The following RALY variants were observed in gnomAD, a reference collection of about 807,000 sequenced individuals.
RALY encodes the protein RALY heterogeneous nuclear ribonucleoprotein, also known as RNA-binding protein Raly.
Under a neutral mutation model 30.7 loss-of-function variants are expected in RALY, and 15 were observed. The observed-to-expected ratio is 0.49, with a 90% CI of 0.33 to 0.75. RALY has a LOEUF of 0.75. Ranked by LOEUF, RALY falls within the 30% of genes least tolerant of loss-of-function variation. The pLI is 0.02. For synonymous variants in RALY, 177 were observed against 170.8 expected (o/e 1.04, Z -0.28); for missense variants, 339 against 414.3 (o/e 0.82, Z 1.58).
At chr20:34,036,298 G>A (rs561535357) in intron 2 of RALY, among the ~76,000 whole-genome samples, 6 of 152,276 alleles carry the variant, frequency 3.9e-5, no homozygotes, top group African/African-American at 1.4e-4. Context: ...TTTATTCCTA[G>A]TTTATTGAGA....
At chr20:34,076,160 C>G in intron 6 of RALY, 120 bp downstream of exon 6, 3 of 1,213,194 alleles carry the variant, frequency 2.5e-6, no homozygotes, top group Admixed American at 2.6e-5. Flanking sequence ...TTCTGCTGCT[C>G]TAACACAGCC....
Position 34,077,248 on chromosome 20 carries a change from G to A in RALY, c.876+3G>A. On this transcript the variant is annotated splice_donor_region_variant and intron_variant, in intron 8 of 9. Transcript: ENST00000246194. Reference sequence around the variant, plus strand: ...TGACACACAGCGAGGAAGAGCTGGTGAGGGCCTGGCCAGGGGCACGACTGG... The same window carrying A: ...TGACACACAGCGAGGAAGAGCTGGTAAGGGCCTGGCCAGGGGCACGACTGG... The A allele has an allele frequency of 5.6e-6, 9 of 1,613,712 alleles. No homozygotes were observed. The highest frequency in any genetic ancestry group is 7.6e-6 in the Non-Finnish European group (9 of 1,179,810).
chr20:34,059,555 C>T (rs1376395513), intron 2 of RALY, among the ~76,000 whole-genome samples: 1 of 152,172 alleles, frequency 6.6e-6, no homozygotes, highest in Non-Finnish European at 1.5e-5. Context: ...GAACTGTGAA[C>T]CTCAGAAAAG....
chr20:34,045,050 C>T (rs772681400), intron 2 of RALY, among the ~76,000 whole-genome samples: 4 of 152,204 alleles, frequency 2.6e-5, no homozygotes, highest in Middle Eastern at 3.4e-3. Flanking sequence ...GCTGGGACTA[C>T]AGGCATGCAC....
intron 2 of RALY, among the ~76,000 whole-genome samples, chr20:34,036,708 T>A (rs1001707348): frequency 2.0e-5 from 3 of 152,224 alleles, no homozygotes; most frequent in Non-Finnish European, 4.4e-5. Flanking sequence ...TCAAATGTCT[T>A]ACTTGTTAAA....
At chr20:34,022,384 T>C (rs2123058922) in intron 1 of RALY, among the ~76,000 whole-genome samples, 1 of 152,254 alleles carries the variant, frequency 6.6e-6, no homozygotes. Context: ...TTTTGATCAC[T>C]CAAAGCAGCT....
intron 1 of RALY, among the ~76,000 whole-genome samples, chr20:34,027,184 A>C (rs143581692): frequency 2.0e-5 from 3 of 152,214 alleles, no homozygotes; most frequent in African/African-American, 7.2e-5. Flanking sequence ...GTCTTCTTTC[A>C]TGTTGCTGTG....
At chr20:34,050,450 G>A (rs760379269) in intron 2 of RALY, among the ~76,000 whole-genome samples, 8 of 152,216 alleles carry the variant, frequency 5.3e-5, no homozygotes, top group Non-Finnish European at 1.2e-4. Context: ...ATCCAAAAAT[G>A]CTTTGCTGTT....
At chr20:34,018,356 C>G (rs2031685797) in intron 1 of RALY, among the ~76,000 whole-genome samples, 1 of 152,168 alleles carries the variant, frequency 6.6e-6, no homozygotes, top group Non-Finnish European at 1.5e-5. Context: ...TGGGCCAGAC[C>G]TGCAGAGGTG....
chr20:34,041,487 G>C (rs557994642), intron 2 of RALY, among the ~76,000 whole-genome samples: 76 of 152,264 alleles, frequency 5.0e-4, no homozygotes, highest in Non-Finnish European at 3.1e-4. Flanking sequence ...TCCCTGAGAG[G>C]GTTTTCTCTC....
chr20:34,029,395 G>A (rs970348718), intron 1 of RALY, among the ~76,000 whole-genome samples: 2 of 150,066 alleles, frequency 1.3e-5, no homozygotes, highest in Non-Finnish European at 3.0e-5. Context: ...CCAAGATCGC[G>A]CCAGGATATT....
In RALY at chr20:34,078,554, G is replaced by T. The variant is rs113855983; in HGVS notation, c.*4+1G>T. ...GATGATGGGGCCTTGCAGTAAGCAGGTACAGGGGTCCTGTCCTGATGGGCA... is the reference window on the plus strand; with the variant it reads ...GATGATGGGGCCTTGCAGTAAGCAGTTACAGGGGTCCTGTCCTGATGGGCA... On this transcript the variant is annotated splice_donor_variant, in intron 9 of 9. Transcript: ENST00000246194. LOFTEE classifies it low-confidence loss of function (3UTR_SPLICE). The T allele has an allele frequency of 6.3e-7, 1 of 1,577,824 alleles. No homozygotes were observed. The highest frequency in any genetic ancestry group is 1.4e-5 in the African/African-American group (1 of 73,268).
chr20:34,015,367 C>T (rs560148845), intron 1 of RALY, among the ~76,000 whole-genome samples: 5 of 151,196 alleles, frequency 3.3e-5, no homozygotes, highest in South Asian at 2.1e-4. Context: ...TTCTCCAGTC[C>T]TTCATAAAAA....
intron 2 of RALY, among the ~76,000 whole-genome samples, chr20:34,046,412 G>A (rs2123153434): frequency 6.6e-6 from 1 of 152,306 alleles, no homozygotes; most frequent in South Asian, 2.1e-4. Flanking sequence ...CCTGCTTCAT[G>A]GGGTCATTGG....
intron 2 of RALY, among the ~76,000 whole-genome samples, chr20:34,052,237 A>T (rs2033101992): frequency 6.6e-6 from 1 of 152,172 alleles, no homozygotes; most frequent in South Asian, 2.1e-4. Context: ...ACGAGTTGAG[A>T]GTGCAATATG....
At chr20:34,068,660 G>C (rs1021936989) in intron 2 of RALY, among the ~76,000 whole-genome samples, 1 of 152,208 alleles carries the variant, frequency 6.6e-6, no homozygotes, top group Non-Finnish European at 1.5e-5. Flanking sequence ...CTAATAAATT[G>C]TGATGTTCCC....
At chr20:34,027,118 C>T (rs917734717) in intron 1 of RALY, among the ~76,000 whole-genome samples, 1 of 152,144 alleles carries the variant, frequency 6.6e-6, no homozygotes. Flanking sequence ...CCACTCCCTC[C>T]ACATCCCCCG....
intron 2 of RALY, among the ~76,000 whole-genome samples, chr20:34,070,220 G>A (rs1269244996): frequency 6.6e-6 from 1 of 152,154 alleles, no homozygotes; most frequent in Non-Finnish European, 1.5e-5. Flanking sequence ...TTTATCACCT[G>A]AAATGGCCTT....
chr20:34,046,945 G>C (rs969533345), intron 2 of RALY, among the ~76,000 whole-genome samples: 4 of 151,224 alleles, frequency 2.6e-5, no homozygotes, highest in Non-Finnish European at 5.9e-5. Context: ...TCAGCCTCCT[G>C]AGTAGCTGGG....
Sources: allele counts gnomAD v4.1 joint callset (sites outside exome capture counted in the v4.1 genomes callset), GRCh38; gene constraint gnomAD v4.1.1; transcripts MANE v1.5; gene names NCBI Gene and HGNC (gene_info 2026-07-23, HGNC 2026-07-21).